Variants in SEPTIN9 observed in about 807,000 individuals in gnomAD.
SEPTIN9 encodes the protein septin-9.
A neutral mutation model predicts 56.6 loss-of-function variants in SEPTIN9; 13 were observed. The observed-to-expected ratio is 0.23, with a 90% CI of 0.15 to 0.37. The LOEUF (loss-of-function observed/expected upper bound fraction) is 0.37. Ranked by LOEUF, SEPTIN9 falls within the 10% of genes least tolerant of loss-of-function variation. SEPTIN9 has a pLI of 1.00. For missense variants in SEPTIN9, 650 were observed against 823.1 expected (o/e 0.79, Z 2.57); for synonymous variants, 332 against 334.1 (o/e 0.99, Z 0.07).
chr17:77,379,783 C>T (rs978567752), intron 2 of SEPTIN9, among the ~76,000 whole-genome samples: 3 of 152,160 alleles, frequency 2.0e-5, no homozygotes, highest in South Asian at 2.1e-4. Flanking sequence ...CGGACGATTC[C>T]GCCACCCCCT....
At chr17:77,497,030 G>T (rs1024219468) in intron 10 of SEPTIN9, 2 of 522,244 alleles carry the variant, frequency 3.8e-6, no homozygotes, top group Non-Finnish European at 7.0e-6. Context: ...TATTTGGCCT[G>T]GTCACTGTGC....
chr17:77,348,389 C>T (rs1397039437), intron 2 of SEPTIN9, among the ~76,000 whole-genome samples: 1 of 148,572 alleles, frequency 6.7e-6, no homozygotes, highest in East Asian at 2.0e-4. Context: ...ACCTCTGCCT[C>T]CTGGGTTCAA....
chr17:77,306,337 TC>T (rs2032263235), intron 1 of SEPTIN9, among the ~76,000 whole-genome samples: 1 of 152,174 alleles, frequency 6.6e-6, no homozygotes, highest in Non-Finnish European at 1.5e-5. Flanking sequence ...CCAGGGGACA[TC>T]CCCAGAGTGC....
chr17:77,344,642 G>A lies in SEPTIN9; in HGVS notation c.76+37445G>A, dbSNP rs146857661. Reference sequence around the variant, plus strand: ...GCGGATGAATGAACAGACAAAATGTGGTCCATCTGTACAGTGGAATATTAT... The same window carrying A: ...GCGGATGAATGAACAGACAAAATGTAGTCCATCTGTACAGTGGAATATTAT... On this transcript the variant is annotated intron_variant, in intron 2 of 11. Coordinates refer to ENST00000427177, the MANE Select transcript of SEPTIN9 (RefSeq NM_001113491.2). Among the ~76,000 whole-genome samples, 671 of 152,220 alleles carry A rather than the reference G, an allele frequency of 4.4e-3. 7 individuals carry two copies. The highest frequency in any genetic ancestry group is 0.015 in the African/African-American group (629 of 41,526).
chr17:77,283,746 A>T (rs953812953), intron 1 of SEPTIN9, among the ~76,000 whole-genome samples: 1 of 152,176 alleles, frequency 6.6e-6, no homozygotes, highest in South Asian at 2.1e-4. Context: ...AAGGAGAAAG[A>T]TTTTAGAAGG....
chr17:77,460,864 T>G (rs1307082338), intron 3 of SEPTIN9, among the ~76,000 whole-genome samples: 1 of 152,152 alleles, frequency 6.6e-6, no homozygotes, highest in Non-Finnish European at 1.5e-5. Context: ...ATGAGTTGAG[T>G]GAGACCCTTC....
rs767751977 is a variant in SEPTIN9 at position 77,402,560 on chromosome 17, C to T, written c.578C>T (p.Pro193Leu). ...CCCAAGAGGGTGGAGATCCAGATGCCCAAGCCTGCTGAGGCGCCCACCGCC... is the reference window on the plus strand; with the variant it reads ...CCCAAGAGGGTGGAGATCCAGATGCTCAAGCCTGCTGAGGCGCCCACCGCC... ...AAPKRVEIQM[P>L]KPAEAPTAPS... The change falls in exon 3 of 12, where the codon CCC becomes CTC. Residue 193 changes from proline to leucine, a missense_variant. Physicochemically the swap from Pro to Leu is moderately conservative, Grantham distance 98 (BLOSUM62 -3). Coordinates refer to ENST00000427177, the MANE Select transcript of SEPTIN9 (RefSeq NM_001113491.2). This position sits in a 1 kb window ranked among gnomAD's most constrained non-coding sequence, Gnocchi z 6.6. 1 of 1,610,526 alleles carries T rather than the reference C, an allele frequency of 6.2e-7. No individual in the cohort carries two copies. The highest frequency in any genetic ancestry group is 2.2e-5 in the East Asian group (1 of 44,746).
chr17:77,431,903 C>T (rs953574280), intron 3 of SEPTIN9, among the ~76,000 whole-genome samples: 47 of 150,796 alleles, frequency 3.1e-4, no homozygotes, highest in African/African-American at 1.0e-3. Flanking sequence ...TTCTACTTTT[C>T]GCCCAAGACT....
In SEPTIN9 at chr17:77,400,288, A is replaced by T. The variant is rs1337245947; in HGVS notation, c.77-1771A>T. 6.6e-6 allele frequency among the ~76,000 whole-genome samples: 1 copy of T among 152,228 alleles called. No individual in the cohort carries two copies. The highest frequency in any genetic ancestry group is 1.5e-5 in the Non-Finnish European group (1 of 68,038). ...CAGATTTCTACTCTCTTGAGAAGTGAACAGCTCTGGCCACGCCGGGCCCAT... is the reference window on the plus strand; with the variant it reads ...CAGATTTCTACTCTCTTGAGAAGTGTACAGCTCTGGCCACGCCGGGCCCAT... On this transcript the variant is annotated intron_variant, in intron 2 of 11. Transcript: ENST00000427177. This position sits in a 1 kb window ranked among gnomAD's most constrained non-coding sequence, Gnocchi z 4.1.
At chr17:77,341,838 T>C (rs1390794810) in intron 2 of SEPTIN9, among the ~76,000 whole-genome samples, 1 of 148,294 alleles carries the variant, frequency 6.7e-6, no homozygotes, top group Non-Finnish European at 1.5e-5. Context: ...ATCCCAGCAC[T>C]TTGGGAGGCC....
chr17:77,496,804 C>T (rs1157466313), intron 10 of SEPTIN9, among the ~76,000 whole-genome samples: 2 of 152,216 alleles, frequency 1.3e-5, no homozygotes, highest in Non-Finnish European at 2.9e-5. Context: ...GTGCTCTGAG[C>T]GCACACAAGG....
rs931502811 is a variant in SEPTIN9 at position 77,367,323 on chromosome 17, A to G, written c.77-34736A>G. Among the ~76,000 whole-genome samples the G allele has an allele frequency of 2.6e-5, 4 of 152,212 alleles. No individual in the cohort carries two copies. The highest frequency in any genetic ancestry group is 9.6e-5 in the African/African-American group (4 of 41,458). ...CTGCTTGGTGGCTGGCAGAACGCAC[A>G]TGAAGAATCCATGTGTGTTCTGAAC... On this transcript the variant is annotated intron_variant, in intron 2 of 11. Transcript: ENST00000427177. The surrounding 1 kb of genome is among the most constrained non-coding windows in gnomAD (Gnocchi z 4.5).
chr17:77,482,099 G>A (rs1429337984), intron 3 of SEPTIN9, 45 bp from the exon 4 acceptor site: 4 of 1,507,394 alleles, frequency 2.7e-6, no homozygotes, highest in African/African-American at 2.8e-5. Context: ...GCGCCTGTGT[G>A]TGAGCCCCTG....
rs1162672786 is a variant in SEPTIN9 at position 77,425,432 on chromosome 17, A to G, written c.721+22729A>G. Among the ~76,000 whole-genome samples, 1 of 152,058 alleles carries G rather than the reference A, an allele frequency of 6.6e-6. No homozygotes were observed. Among genetic ancestry groups the G allele is most frequent in the Non-Finnish European group, 1.5e-5 (1 of 68,002 alleles). ...TGACCGTGTCCCCAGGGTGAAGCCC[A>G]CCCGAGTGTCACTCTGGATACAGCC... On this transcript the variant is annotated intron_variant, in intron 3 of 11. Coordinates refer to ENST00000427177, the MANE Select transcript of SEPTIN9 (RefSeq NM_001113491.2). The surrounding 1 kb of genome is among the most constrained non-coding windows in gnomAD (Gnocchi z 4.2).
intron 3 of SEPTIN9, among the ~76,000 whole-genome samples, chr17:77,403,730 G>A (rs576383412): frequency 2.0e-5 from 3 of 152,312 alleles, no homozygotes; most frequent in African/African-American, 7.2e-5. Context: ...GCACAGTCTG[G>A]GTTTTTGATT....
chr17:77,485,382 TTGA>T (rs768626291), intron 4 of SEPTIN9, among the ~76,000 whole-genome samples: 18 of 128,954 alleles, frequency 1.4e-4, no homozygotes, highest in Non-Finnish European at 2.5e-4. Flanking sequence ...GGTGATGTGG[TTGA>T]TGATGGTGCT....
chr17:77,454,350 C>T (rs983300237), intron 3 of SEPTIN9: 25 of 985,400 alleles, frequency 2.5e-5, no homozygotes, highest in African/African-American at 1.0e-4. Flanking sequence ...AGTGCCAGCC[C>T]GGTTCCCGGA....
At chr17:77,465,448 C>T (rs1279079132) in intron 3 of SEPTIN9, among the ~76,000 whole-genome samples, 1 of 152,152 alleles carries the variant, frequency 6.6e-6, no homozygotes, top group Non-Finnish European at 1.5e-5. Context: ...GCTTGGCCAG[C>T]CAGGTGCTGC....
chr17:77,475,572 G>C lies in SEPTIN9; in HGVS notation c.722-6572G>C, dbSNP rs751383625. Reference sequence around the variant, plus strand: ...AGGTGGCCGTAGGGCTGCCGCAGGGGTGCTGGCCCCAGGGTCTGGATTCAG... The same window carrying C: ...AGGTGGCCGTAGGGCTGCCGCAGGGCTGCTGGCCCCAGGGTCTGGATTCAG... On this transcript the variant is annotated intron_variant, in intron 3 of 11. Transcript: ENST00000427177. This position sits in a 1 kb window ranked among gnomAD's most constrained non-coding sequence, Gnocchi z 4.6. 1 of 1,613,396 alleles carries C rather than the reference G, an allele frequency of 6.2e-7. No individual in the cohort carries two copies. Among genetic ancestry groups the C allele is most frequent in the Admixed American group, 1.7e-5 (1 of 60,006 alleles).
Sources: allele counts gnomAD v4.1 joint callset (sites outside exome capture counted in the v4.1 genomes callset), GRCh38; gene constraint gnomAD v4.1.1; non-coding constraint Gnocchi (gnomAD v3.1); transcripts MANE v1.5; gene names NCBI Gene and HGNC (gene_info 2026-07-23, HGNC 2026-07-21).